Variants in STK3 observed in about 807,000 individuals in gnomAD.
STK3 encodes the protein serine/threonine-protein kinase 3.
Under a neutral mutation model 58.0 loss-of-function variants are expected in STK3, and 41 were observed. The observed-to-expected ratio is 0.71, with a 90% CI of 0.55 to 0.92. STK3 has a LOEUF of 0.92. Among genes scored for constraint, STK3 ranks in the 40% least tolerant of loss-of-function variants. STK3 has a pLI of 0.00. For synonymous variants in STK3, 170 were observed against 191.0 expected, an observed-to-expected ratio of 0.89 and a Z score of 0.91; for missense variants, 479 against 602.7, an observed-to-expected ratio of 0.79 and a Z score of 2.15.
intron 8 of STK3, among the ~76,000 whole-genome samples, chr8:98,563,729 TC>T (rs2131643967): frequency 6.6e-6 from 1 of 151,066 alleles, no homozygotes; most frequent in South Asian, 2.1e-4. Flanking sequence ...GACAAAGGAG[TC>T]AAAACAAAAG....
intron 6 of STK3, among the ~76,000 whole-genome samples, chr8:98,697,763 G>C (rs1426029474): frequency 6.6e-6 from 1 of 152,156 alleles, no homozygotes. Flanking sequence ...TTGCTGAGGA[G>C]AGCTTTACTT....
chr8:98,778,680 C>G (rs1262259093), intron 1 of STK3, among the ~76,000 whole-genome samples: 1 of 152,102 alleles, frequency 6.6e-6, no homozygotes, highest in East Asian at 1.9e-4. Context: ...TACATATACA[C>G]CATGGAATAC....
chr8:98,766,331 T>G (rs1017892225), intron 3 of STK3, among the ~76,000 whole-genome samples: 1 of 152,244 alleles, frequency 6.6e-6, no homozygotes, highest in Non-Finnish European at 1.5e-5. Flanking sequence ...TCAGTGAATG[T>G]TGAATGAATT....
intron 2 of STK3, among the ~76,000 whole-genome samples, chr8:98,769,426 C>T (rs1234031903): frequency 6.6e-6 from 1 of 152,216 alleles, no homozygotes; most frequent in African/African-American, 2.4e-5. Flanking sequence ...CACAAGCTCT[C>T]TCTTTGCCCG....
At chr8:98,615,034 G>C (rs982905761) in intron 6 of STK3, among the ~76,000 whole-genome samples, 1 of 152,088 alleles carries the variant, frequency 6.6e-6, no homozygotes, top group Non-Finnish European at 1.5e-5. Context: ...AAAGACAGCA[G>C]TAACCTCTGC....
At chr8:98,913,209 CAAT>C (rs541041155) in intron 1 of STK3, among the ~76,000 whole-genome samples, 52 of 151,394 alleles carry the variant, frequency 3.4e-4, no homozygotes, top group Admixed American at 9.8e-4. Context: ...TAAAAATGTG[CAAT>C]AATATTTTCA....
intron 6 of STK3, among the ~76,000 whole-genome samples, chr8:98,694,380 AG>A (rs1261670011): frequency 3.9e-5 from 6 of 151,958 alleles, no homozygotes; most frequent in African/African-American, 9.7e-5. Flanking sequence ...TTTAAGTTTT[AG>A]GGTACATGTG....
intron 4 of STK3, among the ~76,000 whole-genome samples, chr8:98,732,321 T>G (rs1828266208): frequency 6.6e-6 from 1 of 152,102 alleles, no homozygotes; most frequent in African/African-American, 2.4e-5. Context: ...CTAGGCACAT[T>G]CTTGTGAAAT....
At chr8:98,840,722 C>T (rs1835950608) in intron 3 of STK3, among the ~76,000 whole-genome samples, 1 of 150,734 alleles carries the variant, frequency 6.6e-6, no homozygotes, top group Non-Finnish European at 1.5e-5. Flanking sequence ...ATCAAATTAT[C>T]CCCAAATGTA....
rs867055529 is a variant in STK3, at chr8:98,850,636, C to T, written c.110+33011G>A. On this transcript the variant is annotated intron_variant, in intron 3 of 12. Coordinates refer to the STK3 transcript ENST00000523601. ...ATTTCGGGTGTTGGAGCAGTATGTACGAAGGCATGAAGATGTAAAAGGGCC... is the reference window on the plus strand; with the variant it reads ...ATTTCGGGTGTTGGAGCAGTATGTATGAAGGCATGAAGATGTAAAAGGGCC... Among the ~76,000 whole-genome samples the T allele has an allele frequency of 1.8e-4, 27 of 152,034 alleles. 1 individual carries two copies. The highest frequency in any genetic ancestry group is 8.5e-4 in the Admixed American group (13 of 15,264).
intron 6 of STK3, among the ~76,000 whole-genome samples, chr8:98,607,405 AATG>A (rs1450556269): frequency 1.3e-5 from 2 of 152,236 alleles, no homozygotes; most frequent in Non-Finnish European, 2.9e-5. Flanking sequence ...CCCTAGCACC[AATG>A]AAGACAGTGG....
the STK3 span, among the ~76,000 whole-genome samples, chr8:98,348,933 G>A: frequency 6.6e-6 from 1 of 152,194 alleles, no homozygotes; most frequent in Non-Finnish European, 1.5e-5. Flanking sequence ...GAAAACTTAT[G>A]TTCATGCAAA....
rs530329074 is a variant in STK3 at position 98,873,677 on chromosome 8, T to C, written c.110+9970A>G. ...GGATTGCAACCCCTGCTTTTTTTTT[T>C]TGTTTTCCATTTGCTTGGTAGATCT... On this transcript the variant is annotated intron_variant, in intron 3 of 12. Coordinates refer to the STK3 transcript ENST00000523601. 1.1e-4 allele frequency among the ~76,000 whole-genome samples: 17 copies of C among 152,286 alleles called. 1 individual carries two copies. In the South Asian group the frequency reaches 3.3e-3, roughly 30 times the overall value.
At chr8:98,390,563 T>A (rs141990837), upstream of STK3, among the ~76,000 whole-genome samples, 456 of 152,324 alleles carry the variant, frequency 3.0e-3, 2 homozygotes, top group African/African-American at 0.011. Context: ...TAGGTTTATG[T>A]CTTTCACCAA....
chr8:98,447,430 T>C (rs1019097711), intron 1 of STK3, among the ~76,000 whole-genome samples: 3 of 151,866 alleles, frequency 2.0e-5, no homozygotes, highest in Non-Finnish European at 2.9e-5. Context: ...GACTTCTAAT[T>C]GGACAGAGTA....
chr8:98,436,407 C>G (rs1324430690), intron 2 of STK3, among the ~76,000 whole-genome samples: 1 of 152,182 alleles, frequency 6.6e-6, no homozygotes, highest in Non-Finnish European at 1.5e-5. Flanking sequence ...TTCACCCTCT[C>G]TAAAATGGAA....
At chr8:98,910,228 T>A (rs978642119) in intron 1 of STK3, among the ~76,000 whole-genome samples, 1 of 152,242 alleles carries the variant, frequency 6.6e-6, no homozygotes, top group Non-Finnish European at 1.5e-5. Flanking sequence ...AGATAATTTT[T>A]CTCATTTGCC....
intron 3 of STK3, among the ~76,000 whole-genome samples, chr8:98,424,294 G>C (rs1358356428): frequency 6.6e-6 from 1 of 152,250 alleles, no homozygotes; most frequent in Non-Finnish European, 1.5e-5. Context: ...TGAGCAGGGG[G>C]GCTTGTCCCT....
At position 98,706,317 on chromosome 8, in the gene STK3, A is replaced by G. The variant is rs1043598204; in HGVS notation, c.684+150T>C. On this transcript the variant is annotated intron_variant, in intron 6 of 10. Transcript: ENST00000419617. Reference sequence around the variant, plus strand: ...AAGAATGCAGAAGGAAGAGAAGTTAACAGTTACTAATCTTTAAGAGGTAAT... The same window carrying G: ...AAGAATGCAGAAGGAAGAGAAGTTAGCAGTTACTAATCTTTAAGAGGTAAT... 6 of 770,116 alleles carry G rather than the reference A, an allele frequency of 7.8e-6. No homozygotes were observed. The African/African-American group carries it at 9.0e-5, about 12-fold the overall frequency. 47.7% of individuals were successfully genotyped at this position (770,116 alleles called of 1,614,324 possible).
Sources: gnomAD v4.1 joint callset for allele counts (sites outside exome capture counted in the v4.1 genomes callset) on GRCh38, gnomAD v4.1.1 for gene constraint, MANE v1.5 for transcripts, NCBI Gene and HGNC (gene_info 2026-07-23, HGNC 2026-07-21) for gene names.